Variants in MAP7 observed in about 807,000 individuals in gnomAD.
MAP7 encodes microtubule associated protein 7.
MAP7 carries 52 observed loss-of-function variants against 94.8 expected under a neutral mutation model. That is an observed-to-expected ratio of 0.55 (90% confidence interval 0.44 to 0.69). MAP7 has a LOEUF of 0.69. MAP7 is among the 30% of genes least tolerant of loss of function. The pLI is 0.00. For missense variants in MAP7, 940 were observed against 964.6 expected (o/e 0.97, Z 0.34); for synonymous variants, 350 against 357.0 (o/e 0.98, Z 0.22).
intron 6 of MAP7, among the ~76,000 whole-genome samples, chr6:136,381,919 C>CACACACACACACACACACACAG (rs373754692): frequency 7.8e-5 from 8 of 103,032 alleles, no homozygotes; most frequent in South Asian, 8.5e-4. Flanking sequence ...CACACACACA[C>CACACACACACACACACACACAG]AGAGAGAGAG....
chr6:136,389,003 G>A (rs1779941909), intron 4 of MAP7, among the ~76,000 whole-genome samples: 1 of 152,170 alleles, frequency 6.6e-6, no homozygotes, highest in Admixed American at 6.5e-5. Context: ...AAAGGATTGA[G>A]TAAGGGTTAA....
At position 136,342,804 on chromosome 6, in the gene MAP7, G is replaced by T. The variant is rs1319240654; in HGVS notation, c.*1424C>A. 6.6e-6 allele frequency: 1 copy of T among 152,084 alleles called. No homozygotes were observed. The highest frequency in any genetic ancestry group is 1.5e-5 in the Non-Finnish European group (1 of 68,010). 9.4% of individuals were successfully genotyped at this position (152,084 alleles called of 1,614,324 possible). ...TTTAAACAAATTAAACAAGTTTGTT[G>T]AACAGATTTCTTTTCTAATATAATG... is the stretch of plus-strand genomic sequence containing the variant. On this transcript the variant is annotated 3_prime_UTR_variant, in exon 18 of 18. Coordinates refer to ENST00000354570, the MANE Select transcript of MAP7 (RefSeq NM_003980.6).
chr6:136,505,275 G>GTATATATATA (rs1312349410), intron 1 of MAP7, among the ~76,000 whole-genome samples: 27 of 69,174 alleles, frequency 3.9e-4, no homozygotes, highest in East Asian at 1.4e-3. Context: ...GTGTGTGTGT[G>GTATATATATA]TGTATATATA....
At chr6:136,537,788 A>G (rs1476119332) in intron 1 of MAP7, among the ~76,000 whole-genome samples, 1 of 144,738 alleles carries the variant, frequency 6.9e-6, no homozygotes, top group Admixed American at 6.9e-5. Context: ...GAAGTTATGA[A>G]TTTTTTTTTT....
intron 1 of MAP7, among the ~76,000 whole-genome samples, chr6:136,528,621 C>G (rs533610310): frequency 6.6e-6 from 1 of 152,342 alleles, no homozygotes; most frequent in East Asian, 1.9e-4. Context: ...AAATGAAAAT[C>G]TGTATTAAGC....
intron 1 of MAP7, among the ~76,000 whole-genome samples, chr6:136,470,036 C>T (rs1808443802): frequency 6.6e-6 from 1 of 151,898 alleles, no homozygotes; most frequent in Admixed American, 6.6e-5. Flanking sequence ...CATGATTCAA[C>T]AGCTCTTTCC....
Position 136,393,978 on chromosome 6 carries a change from A to AATTT in MAP7, c.245-4462_245-4461insAAAT, listed in dbSNP as rs1554242697. ...GTTCTGATATCTCTGCAGCAAAGGT[A>AATTT]TTTTTTTTTTTTTTTTTTTTTTTGA... On this transcript the variant is annotated intron_variant, in intron 3 of 17. Transcript: ENST00000354570. Among the ~76,000 whole-genome samples the AATTT allele has an allele frequency of 9.4e-4, 34 of 36,208 alleles. 9 individuals are homozygous for AATTT. Among genetic ancestry groups the AATTT allele is most frequent in the Non-Finnish European group, 1.4e-3 (20 of 13,980 alleles). The allele number at this position is 36,208 out of a possible 152,430, so 23.8% of individuals were successfully genotyped here. A position where few individuals can be genotyped will look rare whatever the true frequency, so the allele number is the denominator to read the frequency against.
At chr6:136,542,720 A>T (rs574570861) in intron 1 of MAP7, among the ~76,000 whole-genome samples, 16 of 113,172 alleles carry the variant, frequency 1.4e-4, no homozygotes, top group East Asian at 1.1e-3. Context: ...TGTTAAAATT[A>T]AAAAAAAAAA....
At chr6:136,526,232 T>G in intron 1 of MAP7, 2 of 1,173,798 alleles carry the variant, frequency 1.7e-6, no homozygotes, top group Non-Finnish European at 2.1e-6. Context: ...GACAGGCACA[T>G]GCGCTGGTGA....
chr6:136,363,395 C>T (rs1168388087), intron 10 of MAP7, among the ~76,000 whole-genome samples: 2 of 152,264 alleles, frequency 1.3e-5, no homozygotes, highest in Non-Finnish European at 2.9e-5. Flanking sequence ...GAGCAAGGCA[C>T]CAGCAAGTGC....
At chr6:136,407,012 G>T (rs951049614) in intron 3 of MAP7, among the ~76,000 whole-genome samples, 1 of 152,128 alleles carries the variant, frequency 6.6e-6, no homozygotes, top group African/African-American at 2.4e-5. Flanking sequence ...ATTATGGCAC[G>T]CCCACACAAT....
chr6:136,470,907 T>G (rs192753336), intron 1 of MAP7, among the ~76,000 whole-genome samples: 2 of 152,184 alleles, frequency 1.3e-5, no homozygotes, highest in South Asian at 4.1e-4. Context: ...GTTTTTTCCT[T>G]GCAGAGTTTC....
intron 1 of MAP7, among the ~76,000 whole-genome samples, chr6:136,520,449 T>A (rs891507721): frequency 6.6e-6 from 1 of 152,228 alleles, no homozygotes; most frequent in Non-Finnish European, 1.5e-5. Context: ...GTGTTAAGTT[T>A]ACCTTTGTTT....
intron 1 of MAP7, among the ~76,000 whole-genome samples, chr6:136,473,439 G>C (rs992455334): frequency 6.6e-6 from 1 of 152,136 alleles, no homozygotes; most frequent in South Asian, 2.1e-4. Context: ...TTTAGTATCT[G>C]TTCTTGTAGA....
rs183385543 is a variant in MAP7, at chr6:136,522,945, C to T, written c.67+27397G>A. Reference sequence around the variant, plus strand: ...AGCTATTAAGGAGGTTGAGGCAGGACGATCACTTGAGCCCAGGAGTTGGAG... The same window carrying T: ...AGCTATTAAGGAGGTTGAGGCAGGATGATCACTTGAGCCCAGGAGTTGGAG... On this transcript the variant is annotated intron_variant, in intron 1 of 17. Transcript: ENST00000354570. Among the ~76,000 whole-genome samples, 182 of 152,076 alleles carry T rather than the reference C, an allele frequency of 1.2e-3. 1 individual carries two copies. The highest frequency in any genetic ancestry group is 1.6e-3 in the Non-Finnish European group (109 of 67,994).
rs374892521 is a variant in MAP7 at position 136,473,035 on chromosome 6, C to G, written c.68-51236G>C. 1.5e-4 allele frequency among the ~76,000 whole-genome samples: 23 copies of G among 152,156 alleles called. No individual in the cohort carries two copies. In the East Asian group the frequency reaches 2.5e-3, roughly 17 times the overall value. ...TGCACTTGCTATTCCTTTAATATGC[C>G]TCATGATTTCCTTCTCTATTTCCTT... On this transcript the variant is annotated intron_variant, in intron 1 of 17. Transcript: ENST00000354570.
At chr6:136,467,008 C>A in intron 1 of MAP7, 2 of 901,422 alleles carry the variant, frequency 2.2e-6, no homozygotes, top group Non-Finnish European at 1.5e-6. Context: ...GTTCACTGAA[C>A]CAAGCAAAAA....
At chr6:136,389,222 GC>G (rs2128661225) in intron 4 of MAP7, 131 bp downstream of exon 4, 1 of 1,374,462 alleles carries the variant, frequency 7.3e-7, no homozygotes, top group African/African-American at 1.5e-5. Context: ...AGAAACTGTA[GC>G]CATCTGTAAA....
intron 1 of MAP7, among the ~76,000 whole-genome samples, chr6:136,502,825 AT>A (rs892939190): frequency 3.6e-4 from 54 of 150,632 alleles, no homozygotes; most frequent in African/African-American, 8.8e-4. Context: ...CAGAATACTG[AT>A]TTTTTTTTTC....
Sources: allele counts gnomAD v4.1 joint callset (sites outside exome capture counted in the v4.1 genomes callset), GRCh38; gene constraint gnomAD v4.1.1; transcripts MANE v1.5; gene names NCBI Gene and HGNC (gene_info 2026-07-23, HGNC 2026-07-21).